The following MPDZ variants were observed in gnomAD, a reference collection of about 807,000 sequenced individuals.
The protein encoded by MPDZ is multiple PDZ domain crumbs cell polarity complex component, also known as multiple PDZ domain protein.
A neutral mutation model predicts 239.1 loss-of-function variants in MPDZ; 234 were observed. That is an observed-to-expected ratio of 0.98 (90% CI 0.88 to 1.09). The LOEUF (loss-of-function observed/expected upper bound fraction) is 1.09. Ranked by LOEUF, MPDZ falls within the 50% of genes least tolerant of loss-of-function variation. MPDZ has a pLI of 0.00. For synonymous variants in MPDZ, 1,048 were observed against 881.3 expected (o/e 1.19, Z -3.35); for missense variants, 3,175 against 2,510.0 (o/e 1.26, Z -5.66).
At chr9:13,154,697 G>A (rs527595933) in intron 24 of MPDZ, among the ~76,000 whole-genome samples, 64 of 152,208 alleles carry the variant, frequency 4.2e-4, no homozygotes, top group African/African-American at 1.4e-3. Flanking sequence ...GATGATTACT[G>A]CAGTAATGAA....
At chr9:13,206,661 A>G (rs978402401) in intron 10 of MPDZ, among the ~76,000 whole-genome samples, 9 of 151,346 alleles carry the variant, frequency 5.9e-5, no homozygotes, top group Admixed American at 2.0e-4. Context: ...CTTCTGCCTC[A>G]GCCTCCCGAA....
chr9:13,258,777 G>A (rs1281996066), intron 1 of MPDZ, among the ~76,000 whole-genome samples: 1 of 152,060 alleles, frequency 6.6e-6, no homozygotes, highest in Non-Finnish European at 1.5e-5. Flanking sequence ...TTATTTTCAA[G>A]TAGACATTTA....
chr9:13,158,997 A>G (rs959461806), intron 23 of MPDZ, among the ~76,000 whole-genome samples: 10 of 152,198 alleles, frequency 6.6e-5, no homozygotes, highest in African/African-American at 2.2e-4. Flanking sequence ...AAGGCTATAA[A>G]AACTCTGATT....
Position 13,105,851 on chromosome 9 carries a change from C to T in MPDZ, c.*1114G>A, listed in dbSNP as rs1367463529. ...TATATTCTAATGTAGGAGTTTCACG[C>T]TCTAAAATGGGAATGAACACATGAT... On this transcript the variant is annotated 3_prime_UTR_variant, in exon 47 of 47. Transcript: ENST00000319217. 3 of 152,136 alleles carry T rather than the reference C, an allele frequency of 2.0e-5. No individual in the cohort carries two copies. The highest frequency in any genetic ancestry group is 1.3e-4 in the Admixed American group (2 of 15,270). The allele number at this position is 152,136 out of a possible 1,614,324, so 9.4% of individuals were successfully genotyped here.
intron 3 of MPDZ, among the ~76,000 whole-genome samples, chr9:13,231,427 C>T (rs1962418920): frequency 6.6e-6 from 1 of 151,946 alleles, no homozygotes; most frequent in African/African-American, 2.4e-5. Flanking sequence ...ATTAGCTGAG[C>T]ATGGTTGTAC....
Position 13,119,584 on chromosome 9 carries a change from A to G in MPDZ, c.5297T>C (p.Leu1766Pro), listed in dbSNP as rs892833069. Residue 1766 changes from leucine to proline, a missense_variant, in exon 39 of 47, where the codon CTG becomes CCG. Leu to Pro is a moderately conservative substitution (Grantham distance 98). Transcript: ENST00000319217. ...KGGIADADGRLMQGDQILMVN... is the reference protein window; with the variant it reads ...KGGIADADGRPMQGDQILMVN... ...CATTAATATCTGGTCTCCCTGCATCAGTCTTCCATCGGCATCTGCAATTCC... is the reference window on the plus strand; with the variant it reads ...CATTAATATCTGGTCTCCCTGCATCGGTCTTCCATCGGCATCTGCAATTCC... The G allele has an allele frequency of 2.5e-6, 4 of 1,614,006 alleles. No homozygotes were observed. In the South Asian group the frequency reaches 4.4e-5, roughly 18 times the overall value.
intron 39 of MPDZ, among the ~76,000 whole-genome samples, chr9:13,117,404 G>A (rs1477083535): frequency 6.6e-6 from 1 of 151,874 alleles, no homozygotes; most frequent in Non-Finnish European, 1.5e-5. Flanking sequence ...GGTGGCAGGC[G>A]CCTGTAGTCC....
Position 13,198,148 on chromosome 9 carries a change from G to A in MPDZ, c.1547-1918C>T, listed in dbSNP as rs201791332. On this transcript the variant is annotated intron_variant, in intron 12 of 46. Coordinates refer to ENST00000319217, the MANE Select transcript of MPDZ (RefSeq NM_001378778.1). ...TGCTGGATCATATGGTAGTTTAACTGTTCGTTTTTTGAGGAACCTCCATAA... is the reference window on the plus strand; with the variant it reads ...TGCTGGATCATATGGTAGTTTAACTATTCGTTTTTTGAGGAACCTCCATAA... Among the ~76,000 whole-genome samples, 24 of 152,142 alleles carry A rather than the reference G, an allele frequency of 1.6e-4. No individual in the cohort carries two copies. In the East Asian group the frequency reaches 4.6e-3, roughly 29 times the overall value.
At chr9:13,259,594 C>T in intron 1 of MPDZ, among the ~76,000 whole-genome samples, 1 of 152,132 alleles carries the variant, frequency 6.6e-6, no homozygotes, top group East Asian at 1.9e-4. Context: ...AGGGAAACTT[C>T]CTGGAGTCAC....
At chr9:13,188,110 TGTTA>T (rs1222877551) in intron 17 of MPDZ, among the ~76,000 whole-genome samples, 27 of 152,202 alleles carry the variant, frequency 1.8e-4, no homozygotes, top group African/African-American at 6.0e-4. Flanking sequence ...AAGATTTTAT[TGTTA>T]GTTAATGCTA....
At chr9:13,225,828 C>T (rs992012089) in intron 3 of MPDZ, among the ~76,000 whole-genome samples, 4 of 151,970 alleles carry the variant, frequency 2.6e-5, no homozygotes, top group Non-Finnish European at 5.9e-5. Context: ...TGTCACACAT[C>T]GATTCTGGGA....
At chr9:13,182,950 C>T (rs1953560640) in intron 19 of MPDZ, among the ~76,000 whole-genome samples, 1 of 152,066 alleles carries the variant, frequency 6.6e-6, no homozygotes, top group South Asian at 2.1e-4. Context: ...TATTCTTTGG[C>T]ATCATTTTGT....
Position 13,133,912 on chromosome 9 carries a change from A to G in MPDZ, c.4384-8T>C, listed in dbSNP as rs1003635089. The G allele has an allele frequency of 1.3e-6, 2 of 1,488,806 alleles. No individual in the cohort carries two copies. Among genetic ancestry groups the G allele is most frequent in the Admixed American group, 1.9e-5 (1 of 51,634 alleles). 92.2% of individuals were successfully genotyped at this position (1,488,806 alleles called of 1,614,324 possible). A position where few individuals can be genotyped will look rare whatever the true frequency, so the allele number is the denominator to read the frequency against. ...AGTAACAGTTGGCTCTGTCTGACAGAGGGAAAGAAATGACAAAAAGAGCAA... is the reference window on the plus strand; with the variant it reads ...AGTAACAGTTGGCTCTGTCTGACAGGGGGAAAGAAATGACAAAAAGAGCAA... On this transcript the variant is annotated splice_region_variant and splice_polypyrimidine_tract_variant and intron_variant, in intron 31 of 46. Transcript: ENST00000319217.
At chr9:13,268,177 TAG>T (rs907504357) in intron 1 of MPDZ, among the ~76,000 whole-genome samples, 4 of 142,586 alleles carry the variant, frequency 2.8e-5, no homozygotes, top group Admixed American at 7.2e-5. Flanking sequence ...TATACACACA[TAG>T]AGAGAGAGAG....
chr9:13,239,713 G>T (rs967817377), intron 3 of MPDZ, among the ~76,000 whole-genome samples: 19 of 152,078 alleles, frequency 1.2e-4, no homozygotes, highest in African/African-American at 4.6e-4. Flanking sequence ...ATCATATAAG[G>T]TACAAAGTAT....
Position 13,193,229 on chromosome 9 carries a change from C to A in MPDZ, c.1741G>T (p.Val581Phe), listed in dbSNP as rs199726781. The change falls in exon 14 of 47, where the codon GTT becomes TTT. Residue 581 changes from valine to phenylalanine, a missense_variant. Val to Phe is a conservative substitution (Grantham distance 50, BLOSUM62 -1). Transcript: ENST00000319217. ...ATVGHHFIRS[V>F]LPEGPVGHSG... ...TGTCCAACAGGACCCTCTGGTAGAA[C>A]AGATCGGATAAAATGATGTCCCACT... 1.2e-4 allele frequency: 188 copies of A among 1,612,076 alleles called. No homozygotes were observed. The highest frequency in any genetic ancestry group is 1.6e-4 in the Middle Eastern group (1 of 6,072).
In MPDZ at chr9:13,211,520, T is replaced by C. The variant is rs553515110; in HGVS notation, c.1290+5254A>G. On this transcript the variant is annotated intron_variant, in intron 10 of 46. Transcript: ENST00000319217. ...TGGATTTAAAATTCAAACTAAGAAA[T>C]CTGTAGTATACAAGATACAGTGCTG... is the stretch of plus-strand genomic sequence containing the variant. Among the ~76,000 whole-genome samples the C allele has an allele frequency of 2.0e-5, 3 of 152,136 alleles. No homozygotes were observed. The South Asian group carries it at 6.2e-4, about 32-fold the overall frequency.
chr9:13,182,764 C>T (rs2134475057), intron 19 of MPDZ, among the ~76,000 whole-genome samples: 1 of 152,166 alleles, frequency 6.6e-6, no homozygotes, highest in African/African-American at 2.4e-5. Flanking sequence ...TAAAGTATTA[C>T]TTATTGAACA....
intron 22 of MPDZ, among the ~76,000 whole-genome samples, chr9:13,164,880 T>C (rs1950888010): frequency 6.6e-6 from 1 of 152,048 alleles, no homozygotes; most frequent in Admixed American, 6.6e-5. Context: ...AACTTCCAAA[T>C]CGCCAGCAAA....
Sources: gnomAD v4.1 joint callset for allele counts (sites outside exome capture counted in the v4.1 genomes callset) on GRCh38, gnomAD v4.1.1 for gene constraint, MANE v1.5 for transcripts, NCBI Gene and HGNC (gene_info 2026-07-23, HGNC 2026-07-21) for gene names.